Variants in CASP8 observed in about 807,000 individuals in gnomAD.
The protein encoded by CASP8 is caspase-8.
A neutral mutation model predicts 46.3 loss-of-function variants in CASP8; 24 were observed. That is an observed-to-expected ratio of 0.52 (90% confidence interval 0.38 to 0.73). CASP8 has a LOEUF of 0.73. Ranked by LOEUF, CASP8 falls within the 30% of genes least tolerant of loss-of-function variation. The pLI, the probability that CASP8 is intolerant of heterozygous loss-of-function variation, is 0.00. For synonymous variants in CASP8, 188 were observed against 200.4 expected, an observed-to-expected ratio of 0.94 and a Z score of 0.52; for missense variants, 460 against 559.0, an observed-to-expected ratio of 0.82 and a Z score of 1.79.
At chr2:201,263,070 T>C (rs1454006753) in intron 1 of CASP8, among the ~76,000 whole-genome samples, 3 of 152,168 alleles carry the variant, frequency 2.0e-5, no homozygotes, top group African/African-American at 4.8e-5. Flanking sequence ...ATGAGTGAGA[T>C]GAGATGGCTA....
chr2:201,253,898 A>G (rs13410768), intron 2 of CASP8, among the ~76,000 whole-genome samples: 18,653 of 152,046 alleles, frequency 0.12, 1,548 homozygotes, highest in South Asian at 0.29. Context: ...CCTGACCAAC[A>G]TGGAGAAAAC....
intron 2 of CASP8, among the ~76,000 whole-genome samples, chr2:201,243,342 A>C (rs1946380532): frequency 6.6e-6 from 1 of 152,224 alleles, no homozygotes; most frequent in African/African-American, 2.4e-5. Flanking sequence ...AAAAGCAATG[A>C]ATAGTCAATT....
chr2:201,260,856 A>G (rs1947338565), intron 1 of CASP8, among the ~76,000 whole-genome samples: 2 of 152,200 alleles, frequency 1.3e-5, no homozygotes, highest in Non-Finnish European at 2.9e-5. Flanking sequence ...AGACTGATGA[A>G]GTCCTAGGAG....
At chr2:201,262,261 T>C (rs1236213845) in intron 1 of CASP8, 1 of 152,094 alleles carries the variant, frequency 6.6e-6, no homozygotes, top group Non-Finnish European at 1.5e-5. Flanking sequence ...ATGGGGACAG[T>C]AATAGTAGTT....
chr2:201,277,153 T>C (rs1948688909), intron 7 of CASP8, 185 bp downstream of exon 7: 1 of 495,000 alleles, frequency 2.0e-6, no homozygotes, highest in South Asian at 2.8e-5. Flanking sequence ...TTTTTAAAAA[T>C]TAATTTTTTA....
At chr2:201,269,485 T>C (rs2125202145) in intron 2 of CASP8, 2 of 1,572,006 alleles carry the variant, frequency 1.3e-6, no homozygotes, top group Non-Finnish European at 1.7e-6. Context: ...TCTCATCTTG[T>C]GCCCACCATC....
At chr2:201,245,399 C>A (rs1946466954) in intron 2 of CASP8, among the ~76,000 whole-genome samples, 1 of 152,066 alleles carries the variant, frequency 6.6e-6, no homozygotes, top group South Asian at 2.1e-4. Context: ...CACCACCATG[C>A]CTGGCTAATT....
rs1174731381 is a variant in CASP8, at chr2:201,247,115, C to T, written c.-27+13003C>T. 7.8e-5 allele frequency among the ~76,000 whole-genome samples: 10 copies of T among 127,424 alleles called. No individual in the cohort carries two copies. In the Admixed American group the frequency reaches 8.6e-4, roughly 11 times the overall value. The allele number at this position is 127,424 out of a possible 152,430, so 83.6% of individuals were successfully genotyped here. ...GAGGCAGGAGAATTGCTTGAGCTGG[C>T]GGGGTGGAGGTTGCAGTGAACCAAG... On this transcript the variant is annotated intron_variant, in intron 2 of 6. Transcript: ENST00000264274.
chr2:201,274,967 T>A lies in CASP8; in HGVS notation c.660+14T>A, dbSNP rs1422636526. The stretch of plus-strand genomic sequence containing the variant: ...AGTGAATCACAGGTAGACGGAAACC[T>A]CCAAATCCTTTTTTTTACATTACAG... On this transcript the variant is annotated intron_variant, in intron 6 of 8. Transcript: ENST00000673742. The A allele has an allele frequency of 3.8e-6, 6 of 1,581,836 alleles. No homozygotes were observed. The highest frequency in any genetic ancestry group is 2.7e-5 in the African/African-American group (2 of 74,174).
intron 2 of CASP8, among the ~76,000 whole-genome samples, chr2:201,250,730 G>T (rs10202305): frequency 1.3e-5 from 2 of 152,120 alleles, no homozygotes; most frequent in African/African-American, 2.4e-5. Context: ...CATGTCAGTC[G>T]TGGTGCCATA....
chr2:201,237,447 A>G (rs1946103217), intron 2 of CASP8, among the ~76,000 whole-genome samples: 1 of 151,208 alleles, frequency 6.6e-6, no homozygotes, highest in South Asian at 2.1e-4. Context: ...GTAAAAAAAA[A>G]AAAAAAAAAA....
intron 5 of CASP8, among the ~76,000 whole-genome samples, chr2:201,273,320 A>T (rs1198518385): frequency 6.6e-6 from 1 of 152,132 alleles, no homozygotes; most frequent in Non-Finnish European, 1.5e-5. Flanking sequence ...TGGCCTCCCA[A>T]AGTGCTGGGA....
chr2:201,271,422 G>C (rs941006914), intron 2 of CASP8, 94 bp from the exon 3 acceptor site: 5 of 797,524 alleles, frequency 6.3e-6, no homozygotes, highest in Non-Finnish European at 1.1e-5. Flanking sequence ...ATGTTGAAGG[G>C]AGGCCTTTGG....
chr2:201,273,058 CTTTTT>C (rs397826156), intron 5 of CASP8, 116 bp downstream of exon 5: 116 of 596,010 alleles, frequency 1.9e-4, no homozygotes, highest in Admixed American at 2.4e-4. Context: ...TCTACTTTTT[CTTTTT>C]TTTTTTTTTT....
chr2:201,277,702 ATT>A (rs60513589), intron 7 of CASP8: 5,751 of 389,854 alleles, frequency 0.015, no homozygotes, highest in South Asian at 0.023. Flanking sequence ...CCCTATTAAC[ATT>A]TTTTTTTTTT....
At chr2:201,270,906 C>G (rs1345888347) in intron 2 of CASP8, among the ~76,000 whole-genome samples, 1 of 152,102 alleles carries the variant, frequency 6.6e-6, no homozygotes, top group African/African-American at 2.4e-5. Flanking sequence ...TTTGAGGATG[C>G]TCAGGCAATG....
chr2:201,234,959 C>T (rs559189966), intron 2 of CASP8, among the ~76,000 whole-genome samples: 1 of 152,260 alleles, frequency 6.6e-6, no homozygotes, highest in East Asian at 1.9e-4. Flanking sequence ...CCTTCACATG[C>T]AGGAGTCACT....
chr2:201,284,276 T>G (rs1576384413), intron 7 of CASP8, among the ~76,000 whole-genome samples: 1 of 54,584 alleles, frequency 1.8e-5, no homozygotes, highest in Non-Finnish European at 3.8e-5. Flanking sequence ...CCAGACGGCG[T>G]GGCGGCCGGG....
At position 201,284,953 on chromosome 2, in the gene CASP8, A is replaced by G. The variant is rs2125482048; in HGVS notation, c.940A>G (p.Ile314Val). Residue 314 changes from isoleucine (I) to valine (V), a missense_variant, in exon 8 of 9, where the codon ATC (isoleucine) becomes GTC (valine). Coordinates refer to ENST00000673742, the MANE Select transcript of CASP8 (RefSeq NM_001372051.1). The stretch of plus-strand genomic sequence containing the variant: ...TAACATGGACTGCTTCATCTGCTGT[A>G]TCCTCTCCCATGGAGACAAGGGCAT... The part of the protein sequence containing the change: ...HSNMDCFICC[I>V]LSHGDKGIIY... 1.2e-6 allele frequency: 2 copies of G among 1,614,156 alleles called. No homozygotes were observed. Among genetic ancestry groups the G allele is most frequent in the Non-Finnish European group, 1.7e-6 (2 of 1,180,014 alleles).
Sources: gnomAD v4.1 joint callset for allele counts (sites outside exome capture counted in the v4.1 genomes callset) on GRCh38, gnomAD v4.1.1 for gene constraint, MANE v1.5 for transcripts, NCBI Gene and HGNC (gene_info 2026-07-23, HGNC 2026-07-21) for gene names.